GRIK2: variants seen among roughly 807,000 people sequenced by gnomAD.
GRIK2 encodes the protein glutamate ionotropic receptor kainate type subunit 2, also known as glutamate receptor ionotropic, kainate 2.
GRIK2 carries 32 observed loss-of-function variants against 100.3 expected under a neutral mutation model. The observed-to-expected ratio is 0.32, with a 90% CI of 0.24 to 0.43. The LOEUF is 0.43. GRIK2 is among the 20% of genes least tolerant of loss of function. The pLI is 1.00. For missense variants in GRIK2, 843 were observed against 1,114.9 expected (o/e 0.76, Z 3.47); for synonymous variants, 417 against 389.4 (o/e 1.07, Z -0.83).
chr6:101,768,680 A>C (rs1290237253), intron 7 of GRIK2, among the ~76,000 whole-genome samples: 2 of 152,190 alleles, frequency 1.3e-5, no homozygotes, highest in African/African-American at 4.8e-5. Context: ...TATATATCAC[A>C]GTAATTTCTA....
At chr6:101,546,615 G>A (rs1417286592) in intron 2 of GRIK2, among the ~76,000 whole-genome samples, 1 of 152,040 alleles carries the variant, frequency 6.6e-6, no homozygotes, top group Non-Finnish European at 1.5e-5. Context: ...CCACACAAGA[G>A]TGTTGCATGG....
At chr6:101,898,260 A>G (rs1787607372) in intron 12 of GRIK2, among the ~76,000 whole-genome samples, 1 of 151,876 alleles carries the variant, frequency 6.6e-6, no homozygotes, top group Non-Finnish European at 1.5e-5. Context: ...GAAGAATGTG[A>G]CACTAAAGAA....
intron 4 of GRIK2, among the ~76,000 whole-genome samples, chr6:101,672,567 T>G (rs1582933748): frequency 6.7e-6 from 1 of 148,710 alleles, no homozygotes; most frequent in African/African-American, 2.4e-5. Context: ...TTCCTTATTT[T>G]TATGTGTTTT....
At chr6:101,713,603 C>T (rs1562328641) in intron 7 of GRIK2, among the ~76,000 whole-genome samples, 1 of 151,802 alleles carries the variant, frequency 6.6e-6, no homozygotes, top group Non-Finnish European at 1.5e-5. Flanking sequence ...GAAGAAGCTA[C>T]TTTGACATTT....
Position 101,703,820 on chromosome 6 carries a change from G to A in GRIK2, c.951+17467G>A, listed in dbSNP as rs780426016. Among the ~76,000 whole-genome samples the A allele has an allele frequency of 6.0e-5, 9 of 150,990 alleles. No homozygotes were observed. The South Asian group carries it at 1.9e-3, about 31-fold the overall frequency. On this transcript the variant is annotated intron_variant, in intron 7 of 16. Transcript: ENST00000369134. ...TTAGTCTTAGATAGAAGCAGGGATT[G>A]TTTATTGCATTATAAAAAAAAAAAG... is the stretch of plus-strand genomic sequence containing the variant.
At chr6:101,521,203 C>T (rs1354797775) in intron 2 of GRIK2, among the ~76,000 whole-genome samples, 1 of 151,868 alleles carries the variant, frequency 6.6e-6, no homozygotes, top group Non-Finnish European at 1.5e-5. Flanking sequence ...TTTCTAGTAC[C>T]TGGAATTTCC....
intron 14 of GRIK2, among the ~76,000 whole-genome samples, chr6:101,988,761 C>T (rs560723682): frequency 1.2e-4 from 18 of 151,916 alleles, no homozygotes; most frequent in African/African-American, 3.9e-4. Flanking sequence ...TTTACATCAA[C>T]AAATTCACAG....
intron 11 of GRIK2, among the ~76,000 whole-genome samples, chr6:101,877,503 G>A (rs1562458688): frequency 6.6e-6 from 1 of 151,866 alleles, no homozygotes; most frequent in Non-Finnish European, 1.5e-5. Context: ...AAGGATTTGA[G>A]CACCGATGAA....
intron 4 of GRIK2, among the ~76,000 whole-genome samples, chr6:101,655,842 C>T (rs888404195): frequency 9.2e-5 from 14 of 152,070 alleles, no homozygotes; most frequent in African/African-American, 3.4e-4. Flanking sequence ...TACAGAATTA[C>T]AAGGACCACT....
intron 14 of GRIK2, 148 bp from the exon 15 acceptor site, chr6:102,035,193 G>GTA (rs139440547): frequency 0.22 from 47,380 of 216,158 alleles, 4,318 homozygotes; most frequent in South Asian, 0.31. Context: ...GACTTTTTTG[G>GTA]TATATATATA....
At chr6:101,629,958 C>T (rs569693635) in intron 4 of GRIK2, among the ~76,000 whole-genome samples, 1 of 152,068 alleles carries the variant, frequency 6.6e-6, no homozygotes, top group Non-Finnish European at 1.5e-5. Flanking sequence ...TAAATAAGAA[C>T]ATGAAGTATT....
At chr6:101,757,265 AAATC>A (rs1294273808) in intron 7 of GRIK2, among the ~76,000 whole-genome samples, 1 of 152,194 alleles carries the variant, frequency 6.6e-6, no homozygotes, top group African/African-American at 2.4e-5. Flanking sequence ...TTTTACAAAT[AAATC>A]AATTAATATT....
At chr6:101,574,540 C>A (rs191146615) in intron 2 of GRIK2, among the ~76,000 whole-genome samples, 2 of 147,114 alleles carry the variant, frequency 1.4e-5, no homozygotes, top group East Asian at 3.9e-4. Context: ...ATAAAATATA[C>A]CATGGCAAAA....
intron 2 of GRIK2, among the ~76,000 whole-genome samples, chr6:101,449,957 A>T (rs978906503): frequency 7.2e-5 from 11 of 151,782 alleles, no homozygotes; most frequent in South Asian, 2.1e-4. Context: ...GGAAAAAGCT[A>T]AAGAAAATTA....
intron 7 of GRIK2, among the ~76,000 whole-genome samples, chr6:101,784,475 G>A (rs1307017399): frequency 2.0e-5 from 3 of 152,228 alleles, no homozygotes; most frequent in African/African-American, 7.2e-5. Context: ...GCTGGAATGA[G>A]TTAAGACTTT....
chr6:102,006,945 G>C (rs1795273567), intron 14 of GRIK2, among the ~76,000 whole-genome samples: 1 of 151,960 alleles, frequency 6.6e-6, no homozygotes, highest in African/African-American at 2.4e-5. Flanking sequence ...TATTAATTTT[G>C]TTGAAGAACT....
chr6:101,893,917 C>A (rs556087759), intron 12 of GRIK2, among the ~76,000 whole-genome samples: 12 of 151,534 alleles, frequency 7.9e-5, no homozygotes, highest in African/African-American at 2.4e-4. Context: ...ATACTTAAAT[C>A]ATCTTAAATT....
chr6:101,608,309 A>C (rs192720723), intron 2 of GRIK2, among the ~76,000 whole-genome samples: 3 of 152,022 alleles, frequency 2.0e-5, no homozygotes, highest in Admixed American at 2.0e-4. Context: ...CATTTTAACG[A>C]TTGCACAGTA....
At chr6:102,064,969 C>G (rs950729166) in intron 16 of GRIK2, among the ~76,000 whole-genome samples, 1 of 151,228 alleles carries the variant, frequency 6.6e-6, no homozygotes, top group African/African-American at 2.4e-5. Context: ...TATCGTCTCA[C>G]AGTAACTTTA....
Sources: allele counts gnomAD v4.1 joint callset (sites outside exome capture counted in the v4.1 genomes callset), GRCh38; gene constraint gnomAD v4.1.1; transcripts MANE v1.5; gene names NCBI Gene and HGNC (gene_info 2026-07-23, HGNC 2026-07-21).